The following BICRAL variants were observed in gnomAD, a reference collection of about 807,000 sequenced individuals.
BICRAL encodes the protein BICRA like chromatin remodeling complex associated protein.
BICRAL carries 8 observed loss-of-function variants against 91.8 expected under a neutral mutation model. The ratio of observed to expected loss-of-function variants is 0.09; its 90% CI spans 0.05 to 0.16. BICRAL has a LOEUF of 0.16. Ranked by LOEUF, BICRAL falls within the 10% of genes least tolerant of loss-of-function variation. The pLI is 1.00. For missense variants in BICRAL, 1,038 were observed against 1,310.9 expected (o/e 0.79, Z 3.21); for synonymous variants, 445 against 491.1 (o/e 0.91, Z 1.24).
chr6:42,823,640 TA>T (rs1173908095), intron 5 of BICRAL, among the ~76,000 whole-genome samples: 2 of 151,918 alleles, frequency 1.3e-5, no homozygotes, highest in African/African-American at 4.8e-5. Flanking sequence ...AAAAATAAAA[TA>T]GACCAGATGT....
chr6:42,784,346 G>A (rs1763039584), intron 1 of BICRAL, among the ~76,000 whole-genome samples: 1 of 152,082 alleles, frequency 6.6e-6, no homozygotes. Flanking sequence ...AAAGAGGAGG[G>A]GAAAGGTCTA....
chr6:42,782,692 G>A (rs1342462518), intron 1 of BICRAL, among the ~76,000 whole-genome samples: 1 of 151,600 alleles, frequency 6.6e-6, no homozygotes, highest in African/African-American at 2.4e-5. Context: ...TGATTGAGCC[G>A]GTTTAAAATT....
chr6:42,828,194 A>T (rs1410444250), intron 5 of BICRAL, among the ~76,000 whole-genome samples: 1 of 151,950 alleles, frequency 6.6e-6, no homozygotes, highest in Non-Finnish European at 1.5e-5. Flanking sequence ...CGGGCAGATC[A>T]TGAGGTCAGG....
At chr6:42,839,289 G>A (rs1764722470) in intron 6 of BICRAL, among the ~76,000 whole-genome samples, 1 of 151,864 alleles carries the variant, frequency 6.6e-6, no homozygotes, top group African/African-American at 2.4e-5. Flanking sequence ...TATTGTTGTT[G>A]TTAGGATTTT....
At chr6:42,863,666 C>A (rs1765623658) in intron 12 of BICRAL, among the ~76,000 whole-genome samples, 2 of 152,184 alleles carry the variant, frequency 1.3e-5, no homozygotes, top group Non-Finnish European at 2.9e-5. Context: ...AGAAACCAGG[C>A]TGACACCAGG....
At position 42,828,545 on chromosome 6, in the gene BICRAL, G is replaced by T. The variant is rs373189473; in HGVS notation, c.212G>T (p.Gly71Val). The T allele has an allele frequency of 6.2e-7, 1 of 1,613,594 alleles. No individual in the cohort carries two copies. Among genetic ancestry groups the T allele is most frequent in the African/African-American group, 1.3e-5 (1 of 74,878 alleles). The change falls in exon 6 of 13, where the codon GGG becomes GTG. Residue 71 changes from glycine to valine, a missense_variant. By Grantham distance (109) the Gly-to-Val change is moderately radical (BLOSUM62 -3). This residue lies in a region of BICRAL where 115 missense variants were observed against 121.5 expected (regional missense o/e 0.95). Coordinates refer to ENST00000314073, the MANE Select transcript of BICRAL (RefSeq NM_001393499.1). Reference protein sequence around the residue: ...LKGVSNQLGEGPSDGLPLSSS... With the variant: ...LKGVSNQLGEVPSDGLPLSSS... ...GGTGTAAGCAACCAGCTTGGAGAAG[G>T]GCCCAGTGATGGACTGCCACTTTCA...
chr6:42,831,464 T>C (rs1462613725), intron 6 of BICRAL, among the ~76,000 whole-genome samples: 1 of 152,216 alleles, frequency 6.6e-6, no homozygotes, highest in Non-Finnish European at 1.5e-5. Context: ...CTGTGGGCAC[T>C]TGGTAAACCA....
At chr6:42,845,195 G>GTTT (rs748804344) in intron 6 of BICRAL, among the ~76,000 whole-genome samples, 7 of 25,598 alleles carry the variant, frequency 2.7e-4, no homozygotes, top group Non-Finnish European at 5.9e-4. Flanking sequence ...TTTTTTGGGT[G>GTTT]TTTTTTTTTT....
intron 1 of BICRAL, among the ~76,000 whole-genome samples, chr6:42,790,854 G>A (rs1262842900): frequency 1.3e-5 from 2 of 152,174 alleles, no homozygotes; most frequent in South Asian, 4.1e-4. Context: ...AATACAGTGA[G>A]TGAAGGAGCT....
intron 1 of BICRAL, among the ~76,000 whole-genome samples, chr6:42,764,373 G>A (rs1024808134): frequency 2.0e-5 from 3 of 149,800 alleles, no homozygotes; most frequent in East Asian, 2.0e-4. Context: ...GCAACATGGC[G>A]TAACCTCGTC....
intron 1 of BICRAL, among the ~76,000 whole-genome samples, chr6:42,788,308 T>C (rs1013579553): frequency 7.2e-6 from 1 of 138,376 alleles, no homozygotes; most frequent in Non-Finnish European, 1.5e-5. Context: ...CACTGCAACC[T>C]CCACCTCTTG....
intron 1 of BICRAL, among the ~76,000 whole-genome samples, chr6:42,752,980 G>T (rs1455265618): frequency 6.8e-6 from 1 of 146,806 alleles, no homozygotes; most frequent in East Asian, 2.0e-4. Context: ...AGGCTAGAGT[G>T]CAGTGGTGCA....
At chr6:42,852,370 G>A (rs1765211306) in intron 7 of BICRAL, 173 bp downstream of exon 7, 1 of 697,374 alleles carries the variant, frequency 1.4e-6, no homozygotes, top group Non-Finnish European at 2.6e-6. Flanking sequence ...TCAACTCTAA[G>A]ATAGCATTGG....
At chr6:42,778,469 G>T (rs937318044), upstream of BICRAL, among the ~76,000 whole-genome samples, 2 of 152,176 alleles carry the variant, frequency 1.3e-5, no homozygotes, top group African/African-American at 4.8e-5. Flanking sequence ...ATATGATAAT[G>T]TGTATAAGTA....
chr6:42,795,790 G>A (rs1366340956), intron 1 of BICRAL, among the ~76,000 whole-genome samples: 1 of 152,056 alleles, frequency 6.6e-6, no homozygotes, highest in Non-Finnish European at 1.5e-5. Context: ...TTTCTAAGCG[G>A]AATGTCTTGT....
chr6:42,805,564 T>C (rs1337837419), intron 1 of BICRAL, among the ~76,000 whole-genome samples: 3 of 152,204 alleles, frequency 2.0e-5, no homozygotes, highest in Non-Finnish European at 4.4e-5. Flanking sequence ...GAAAGGGTGC[T>C]AAGTTCATTT....
intron 1 of BICRAL, among the ~76,000 whole-genome samples, chr6:42,747,390 A>G (rs891465698): frequency 1.3e-5 from 2 of 152,118 alleles, no homozygotes; most frequent in African/African-American, 4.8e-5. Context: ...AAATTGGGGT[A>G]TTTAACGACC....
upstream of BICRAL, among the ~76,000 whole-genome samples, chr6:42,780,645 A>C (rs1442046781): frequency 3.9e-5 from 6 of 152,218 alleles, no homozygotes; most frequent in Admixed American, 3.3e-4. Context: ...ATAAAAGACA[A>C]CAAAACCCCT....
intron 6 of BICRAL, among the ~76,000 whole-genome samples, chr6:42,843,415 C>T (rs35919170): frequency 0.35 from 53,397 of 151,888 alleles, 9,642 homozygotes; most frequent in South Asian, 0.47. Context: ...GTGGGAAAGG[C>T]GAGCACAAAC....
Sources: gnomAD v4.1 joint callset for allele counts (sites outside exome capture counted in the v4.1 genomes callset) on GRCh38, gnomAD v4.1.1 for gene constraint, gnomAD v4.1.1 regional missense constraint, MANE v1.5 for transcripts, NCBI Gene and HGNC (gene_info 2026-07-23, HGNC 2026-07-21) for gene names.